MAN2A1: variants seen among roughly 807,000 people sequenced by gnomAD.
MAN2A1 encodes the protein alpha-mannosidase 2.
MAN2A1 carries 76 observed loss-of-function variants against 142.6 expected under a neutral mutation model. That is an observed-to-expected ratio of 0.53 (90% CI 0.44 to 0.65). MAN2A1 has a LOEUF of 0.65. Among genes scored for constraint, MAN2A1 ranks in the 30% least tolerant of loss-of-function variants. MAN2A1 has a pLI of 0.00. For synonymous variants in MAN2A1, 559 were observed against 473.2 expected (o/e 1.18, Z -2.35); for missense variants, 1,311 against 1,365.1 (o/e 0.96, Z 0.62).
intron 3 of MAN2A1, among the ~76,000 whole-genome samples, chr5:109,728,069 A>G (rs1046235825): frequency 5.9e-5 from 9 of 152,180 alleles, no homozygotes; most frequent in Admixed American, 5.9e-4. Context: ...TTATATTTCT[A>G]TTTGGCCTAT....
chr5:109,739,761 C>CA lies in MAN2A1; in HGVS notation c.707+10248_707+10249insA, dbSNP rs376271709. 5.5e-3 allele frequency among the ~76,000 whole-genome samples: 830 copies of CA among 152,262 alleles called. 17 individuals are homozygous for CA. Among genetic ancestry groups the CA allele is most frequent in the East Asian group, 0.052 (266 of 5,164 alleles). On this transcript the variant is annotated intron_variant, in intron 4 of 21. Coordinates refer to ENST00000261483, the MANE Select transcript of MAN2A1 (RefSeq NM_002372.4). The stretch of plus-strand genomic sequence containing the variant: ...GTGGGTACTAGTTATTACTGGCTGA[C>CA]CAGCATCCACTTCACCTGATTTCCT...
chr5:109,693,480 A>T (rs1750729565), intron 1 of MAN2A1, among the ~76,000 whole-genome samples: 1 of 151,796 alleles, frequency 6.6e-6, no homozygotes, highest in South Asian at 2.1e-4. Context: ...TTGCCCATTT[A>T]GTTGGTTTCA....
At chr5:109,798,901 T>A (rs1050623252) in intron 12 of MAN2A1, among the ~76,000 whole-genome samples, 1 of 152,124 alleles carries the variant, frequency 6.6e-6, no homozygotes, top group South Asian at 2.1e-4. Flanking sequence ...ACCGTGTTAG[T>A]CAGGATGGTC....
rs756667625 is a variant in MAN2A1, at chr5:109,864,893, G to A, written c.3172-143G>A. On this transcript the variant is annotated intron_variant, in intron 20 of 21. Coordinates refer to ENST00000261483, the MANE Select transcript of MAN2A1 (RefSeq NM_002372.4). ...AGCAGGTGAATGGGCAGTGAGCATG[G>A]ACCTGAGGAGAAATGAATTTGCCTA... 1.1e-4 allele frequency: 73 copies of A among 651,826 alleles called. 1 individual carries two copies. Among genetic ancestry groups the A allele is most frequent in the Middle Eastern group, 2.5e-4 (1 of 4,040 alleles). 40.4% of individuals were successfully genotyped at this position (651,826 alleles called of 1,614,324 possible). A position where few individuals can be genotyped will look rare whatever the true frequency, so the allele number is the denominator to read the frequency against.
intron 4 of MAN2A1, among the ~76,000 whole-genome samples, chr5:109,749,716 C>CT (rs201670995): frequency 0.019 from 2,817 of 151,744 alleles, 34 homozygotes; most frequent in Middle Eastern, 0.071. Flanking sequence ...GTGGGCACAT[C>CT]TTTTTTTTAA....
At chr5:109,804,541 T>C (rs560318205) in intron 12 of MAN2A1, among the ~76,000 whole-genome samples, 1 of 152,268 alleles carries the variant, frequency 6.6e-6, no homozygotes, top group Non-Finnish European at 1.5e-5. Context: ...TTGCATTCAC[T>C]GTGAGTGATG....
chr5:109,832,061 A>T (rs778618330), intron 16 of MAN2A1, among the ~76,000 whole-genome samples: 3 of 151,512 alleles, frequency 2.0e-5, no homozygotes, highest in Admixed American at 6.6e-5. Context: ...ACTCATTGCT[A>T]GAATGATATA....
chr5:109,753,365 T>C (rs980593085), intron 4 of MAN2A1, among the ~76,000 whole-genome samples: 17 of 152,178 alleles, frequency 1.1e-4, no homozygotes, highest in Non-Finnish European at 2.2e-4. Flanking sequence ...TTGAATTTAG[T>C]TGTGTTCTTA....
At chr5:109,719,580 A>G (rs894198502) in intron 3 of MAN2A1, among the ~76,000 whole-genome samples, 2 of 152,188 alleles carry the variant, frequency 1.3e-5, no homozygotes, top group African/African-American at 4.8e-5. Flanking sequence ...AATGAGATTT[A>G]TAGAGATTTG....
intron 18 of MAN2A1, among the ~76,000 whole-genome samples, chr5:109,847,349 A>T (rs1008906205): frequency 2.0e-5 from 3 of 152,180 alleles, no homozygotes; most frequent in African/African-American, 7.2e-5. Context: ...TCTTTAGGTT[A>T]ATGTTTTGGA....
intron 12 of MAN2A1, among the ~76,000 whole-genome samples, chr5:109,809,158 A>G (rs1754253410): frequency 6.6e-6 from 1 of 152,122 alleles, no homozygotes; most frequent in Non-Finnish European, 1.5e-5. Context: ...AACAATAAGT[A>G]TTGCTAATAT....
intron 4 of MAN2A1, among the ~76,000 whole-genome samples, chr5:109,735,356 C>G (rs1331109543): frequency 2.0e-5 from 3 of 152,250 alleles, no homozygotes; most frequent in African/African-American, 7.2e-5. Flanking sequence ...TTAATTGGAG[C>G]ATTTAGTCTA....
chr5:109,817,238 T>G (rs1186912847), intron 12 of MAN2A1, 35 bp from the exon 13 acceptor site: 3 of 1,594,590 alleles, frequency 1.9e-6, no homozygotes, highest in Admixed American at 3.4e-5. Flanking sequence ...TAAAAATATT[T>G]TGAGATCCCA....
At chr5:109,725,615 G>T (rs1281442654) in intron 3 of MAN2A1, among the ~76,000 whole-genome samples, 1 of 152,164 alleles carries the variant, frequency 6.6e-6, no homozygotes. Flanking sequence ...AATTGAAAGG[G>T]GTGTAGTCAG....
At chr5:109,860,720 G>T (rs976085273) in intron 20 of MAN2A1, among the ~76,000 whole-genome samples, 2 of 152,176 alleles carry the variant, frequency 1.3e-5, no homozygotes, top group Non-Finnish European at 2.9e-5. Context: ...AAAAGAGACT[G>T]TCATGTGTGT....
chr5:109,701,870 T>C (rs927960645), intron 1 of MAN2A1, among the ~76,000 whole-genome samples: 1 of 152,052 alleles, frequency 6.6e-6, no homozygotes, highest in African/African-American at 2.4e-5. Flanking sequence ...CAGAAGGAGA[T>C]AGGGACAAGC....
intron 12 of MAN2A1, among the ~76,000 whole-genome samples, chr5:109,811,496 T>C (rs1029873917): frequency 2.6e-5 from 4 of 152,270 alleles, no homozygotes; most frequent in African/African-American, 7.2e-5. Context: ...GCGTATATTA[T>C]ACATTCTGCT....
intron 4 of MAN2A1, among the ~76,000 whole-genome samples, chr5:109,737,835 T>C (rs1176617409): frequency 6.6e-6 from 1 of 152,166 alleles, no homozygotes; most frequent in Non-Finnish European, 1.5e-5. Flanking sequence ...TAAAGTTTGC[T>C]TGTGGAAGGG....
chr5:109,690,681 G>T (rs2112530029), intron 1 of MAN2A1, 129 bp downstream of exon 1: 1 of 1,049,382 alleles, frequency 9.5e-7, no homozygotes, highest in East Asian at 2.6e-5. Context: ...CAGGGGCTCT[G>T]TAGCTCTCGG....
Sources: allele counts gnomAD v4.1 joint callset (sites outside exome capture counted in the v4.1 genomes callset), GRCh38; gene constraint gnomAD v4.1.1; transcripts MANE v1.5; gene names NCBI Gene and HGNC (gene_info 2026-07-23, HGNC 2026-07-21).